The following TEX36 variants were observed in gnomAD, a reference collection of about 807,000 sequenced individuals.
TEX36 encodes the protein testis-expressed protein 36.
A neutral mutation model predicts 13.6 loss-of-function variants in TEX36; 12 were observed. The observed-to-expected ratio is 0.88, with a 90% CI of 0.56 to 1.43. The LOEUF (loss-of-function observed/expected upper bound fraction) is 1.43. Among genes scored for constraint, TEX36 ranks in the 40% most tolerant of loss-of-function variants. The pLI is 0.00. For missense variants in TEX36, 224 were observed against 228.3 expected, an observed-to-expected ratio of 0.98 and a Z score of 0.12; for synonymous variants, 93 against 83.0, an observed-to-expected ratio of 1.12 and a Z score of -0.65.
chr10:125,667,247 T>C (rs1432859832), intron 1 of TEX36: 2 of 627,142 alleles, frequency 3.2e-6, no homozygotes, highest in East Asian at 6.9e-5. Context: ...TGGCCTGGGG[T>C]GACCATGCTG....
At chr10:125,661,801 G>GAGGTCCAC in intron 2 of TEX36, 45 bp downstream of exon 2, 3 of 1,547,714 alleles carry the variant, frequency 1.9e-6, no homozygotes, top group Non-Finnish European at 2.6e-6. Context: ...TGCCCCCTGG[G>GAGGTCCAC]AGGTCCACAG....
At chr10:125,611,437 C>G (rs1033242706) in intron 3 of TEX36, among the ~76,000 whole-genome samples, 10 of 152,166 alleles carry the variant, frequency 6.6e-5, no homozygotes, top group African/African-American at 2.4e-4. Context: ...TTGTTGTAAT[C>G]CATGTGTCTT....
Position 125,641,555 on chromosome 10 carries a change from G to A in TEX36, c.264+19466C>T, listed in dbSNP as rs546233520. Among the ~76,000 whole-genome samples, 12 of 152,250 alleles carry A rather than the reference G, an allele frequency of 7.9e-5. No homozygotes were observed. In the South Asian group the frequency reaches 2.3e-3, roughly 29 times the overall value. On this transcript the variant is annotated intron_variant, in intron 3 of 3. Coordinates refer to the TEX36 transcript ENST00000526819. ...CTCGCTATGAAACGTTATTGCCCTC[G>A]GGTGTTATTTTAGTGTCTAAGTCAT...
chr10:125,638,289 T>G (rs988804000), intron 3 of TEX36, among the ~76,000 whole-genome samples: 5 of 151,678 alleles, frequency 3.3e-5, no homozygotes, highest in Non-Finnish European at 5.9e-5. Flanking sequence ...GCATTTCCAT[T>G]CCTTCTTTCC....
chr10:125,653,704 A>G (rs1359542975), downstream of TEX36, among the ~76,000 whole-genome samples: 1 of 152,222 alleles, frequency 6.6e-6, no homozygotes, highest in East Asian at 1.9e-4. Flanking sequence ...TAATATAAAA[A>G]GAAATCAGGA....
At chr10:125,613,020 A>G (rs910481917) in intron 3 of TEX36, among the ~76,000 whole-genome samples, 2 of 151,948 alleles carry the variant, frequency 1.3e-5, no homozygotes, top group African/African-American at 4.8e-5. Context: ...GCACCACTGC[A>G]GAAGTCCAGT....
At chr10:125,606,755 A>G (rs2133547785) in intron 3 of TEX36, among the ~76,000 whole-genome samples, 1 of 152,342 alleles carries the variant, frequency 6.6e-6, no homozygotes, top group South Asian at 2.1e-4. Flanking sequence ...AAATTATTTC[A>G]AATTCTGAAG....
At chr10:125,628,128 G>C (rs1424488616) in intron 3 of TEX36, among the ~76,000 whole-genome samples, 1 of 152,162 alleles carries the variant, frequency 6.6e-6, no homozygotes, top group Non-Finnish European at 1.5e-5. Context: ...GGCACCTGAA[G>C]GAAAAAAATG....
intron 3 of TEX36, among the ~76,000 whole-genome samples, chr10:125,608,515 G>C (rs1340717104): frequency 6.6e-6 from 1 of 152,178 alleles, no homozygotes; most frequent in Non-Finnish European, 1.5e-5. Context: ...CCTCAGCTGG[G>C]AAGACCCATA....
intron 1 of TEX36, among the ~76,000 whole-genome samples, chr10:125,678,505 C>A (rs1203735600): frequency 6.6e-6 from 1 of 151,970 alleles, no homozygotes; most frequent in Non-Finnish European, 1.5e-5. Flanking sequence ...CTTGGGCCTC[C>A]CGGTGGCTTG....
intron 3 of TEX36, among the ~76,000 whole-genome samples, chr10:125,649,711 A>T (rs563446444): frequency 4.6e-5 from 7 of 152,312 alleles, no homozygotes; most frequent in Admixed American, 3.3e-4. Flanking sequence ...CAAATTGGAT[A>T]AAGAGTCAAG....
At chr10:125,674,276 T>C (rs1847278973) in intron 1 of TEX36, among the ~76,000 whole-genome samples, 1 of 152,212 alleles carries the variant, frequency 6.6e-6, no homozygotes, top group South Asian at 2.1e-4. Context: ...CATCAGATCA[T>C]TTATGTTCCT....
chr10:125,678,249 T>G (rs148458443), intron 1 of TEX36, among the ~76,000 whole-genome samples: 1,564 of 152,344 alleles, frequency 0.01, 10 homozygotes, highest in Middle Eastern at 0.034. Context: ...TCTGCATGCA[T>G]GTAGTCATGC....
intron 1 of TEX36, chr10:125,667,224 C>A: frequency 1.6e-6 from 1 of 635,358 alleles, no homozygotes. Context: ...GAGAAAACTT[C>A]TGGATGCAGG....
downstream of TEX36, among the ~76,000 whole-genome samples, chr10:125,619,291 C>T (rs1846399058): frequency 1.3e-5 from 2 of 151,996 alleles, no homozygotes; most frequent in African/African-American, 2.4e-5. Context: ...CGGGAAAGAA[C>T]AAAATCAACA....
chr10:125,647,924 A>G (rs571507386), intron 3 of TEX36, among the ~76,000 whole-genome samples: 31 of 152,196 alleles, frequency 2.0e-4, no homozygotes, highest in Non-Finnish European at 3.5e-4. Context: ...GCAGTCTGAG[A>G]TCGAACTGCA....
chr10:125,639,716 G>A lies in TEX36; in HGVS notation c.265-18071C>T, dbSNP rs141085150. Among the ~76,000 whole-genome samples the A allele has an allele frequency of 3.9e-5, 6 of 152,164 alleles. No homozygotes were observed. The East Asian group carries it at 7.7e-4, about 20-fold the overall frequency. ...GATTGCTTTAACCCAGACTATCCTC[G>A]TTGATTGAAGTTATCCAACAGAGTC... On this transcript the variant is annotated intron_variant, in intron 3 of 3. Coordinates refer to the TEX36 transcript ENST00000526819.
downstream of TEX36, among the ~76,000 whole-genome samples, chr10:125,652,390 G>T (rs1259506978): frequency 1.3e-5 from 2 of 152,160 alleles, no homozygotes; most frequent in Non-Finnish European, 2.9e-5. Flanking sequence ...ATGGGAAAAG[G>T]ATTCCCTATT....
chr10:125,628,744 G>A (rs1025801327), intron 3 of TEX36, among the ~76,000 whole-genome samples: 1 of 152,234 alleles, frequency 6.6e-6, no homozygotes, highest in Admixed American at 6.5e-5. Flanking sequence ...AGAGCGAAAA[G>A]CTGGGGGATA....
Sources: allele counts gnomAD v4.1 joint callset (sites outside exome capture counted in the v4.1 genomes callset), GRCh38; gene constraint gnomAD v4.1.1; transcripts MANE v1.5; gene names NCBI Gene and HGNC (gene_info 2026-07-23, HGNC 2026-07-21).